The following GPR158 variants were observed in gnomAD, a reference collection of about 807,000 sequenced individuals.
GPR158 encodes the protein G protein-coupled receptor 158.
Under a neutral mutation model 78.2 loss-of-function variants are expected in GPR158, and 30 were observed. That is an observed-to-expected ratio of 0.38 (90% confidence interval 0.29 to 0.52). The LOEUF (loss-of-function observed/expected upper bound fraction) is 0.52, where lower values mean the gene tolerates loss of function less well. GPR158 is among the 20% of genes least tolerant of loss of function. The pLI is 0.83. For missense variants in GPR158, 1,463 were observed against 1,523.5 expected (o/e 0.96, Z 0.66); for synonymous variants, 581 against 591.1 (o/e 0.98, Z 0.25).
intron 5 of GPR158, among the ~76,000 whole-genome samples, chr10:25,477,438 A>G (rs1024999565): frequency 6.6e-6 from 1 of 152,140 alleles, no homozygotes; most frequent in African/African-American, 2.4e-5. Flanking sequence ...ATGCAACAGA[A>G]TGTTCCAAAC....
intron 4 of GPR158, among the ~76,000 whole-genome samples, chr10:25,462,008 G>A (rs1348426007): frequency 1.3e-5 from 2 of 151,954 alleles, no homozygotes; most frequent in African/African-American, 4.8e-5. Flanking sequence ...CCAACGTGCT[G>A]GGATTACAGA....
intron 2 of GPR158, among the ~76,000 whole-genome samples, chr10:25,329,336 A>C (rs1185744748): frequency 6.6e-6 from 1 of 151,512 alleles, no homozygotes; most frequent in East Asian, 2.0e-4. Context: ...GCTACTCAGG[A>C]GGCTGAGGCA....
intron 2 of GPR158, among the ~76,000 whole-genome samples, chr10:25,377,443 G>A (rs1026941034): frequency 6.6e-6 from 1 of 151,918 alleles, no homozygotes; most frequent in Non-Finnish European, 1.5e-5. Context: ...AGTGATTTTA[G>A]TATATTCACA....
chr10:25,198,226 A>G (rs1234987882), intron 1 of GPR158, among the ~76,000 whole-genome samples: 1 of 152,180 alleles, frequency 6.6e-6, no homozygotes, highest in Non-Finnish European at 1.5e-5. Context: ...TATCAAACTT[A>G]TATTTTGCAA....
intron 2 of GPR158, among the ~76,000 whole-genome samples, chr10:25,224,368 G>T (rs1376945459): frequency 6.6e-6 from 1 of 151,204 alleles, no homozygotes; most frequent in East Asian, 1.9e-4. Flanking sequence ...TCAGTCCAAG[G>T]TATATATATA....
chr10:25,376,139 A>G (rs143069439), intron 2 of GPR158, among the ~76,000 whole-genome samples: 42 of 151,726 alleles, frequency 2.8e-4, no homozygotes, highest in Middle Eastern at 3.5e-3. Context: ...TTGGGTGATT[A>G]TAATTGATAT....
chr10:25,478,158 A>G (rs765583694), intron 5 of GPR158, among the ~76,000 whole-genome samples: 63 of 152,200 alleles, frequency 4.1e-4, no homozygotes, highest in Non-Finnish European at 7.2e-4. Flanking sequence ...ACTAACCAAT[A>G]ATCTTCCTTT....
intron 2 of GPR158, among the ~76,000 whole-genome samples, chr10:25,243,317 T>C (rs1564400261): frequency 1.3e-5 from 2 of 152,242 alleles, no homozygotes; most frequent in Non-Finnish European, 2.9e-5. Flanking sequence ...AGAAGCAAGC[T>C]GTAATTGGCT....
chr10:25,254,604 T>A (rs183720478), intron 2 of GPR158, among the ~76,000 whole-genome samples: 1 of 152,304 alleles, frequency 6.6e-6, no homozygotes, highest in African/African-American at 2.4e-5. Flanking sequence ...ATTCTATTTC[T>A]AATAATATAG....
intron 9 of GPR158, among the ~76,000 whole-genome samples, chr10:25,595,384 T>G (rs1837386298): frequency 6.6e-6 from 1 of 152,258 alleles, no homozygotes; most frequent in South Asian, 2.1e-4. Flanking sequence ...ATTAGATAGA[T>G]GGAGCTATAC....
At chr10:25,349,745 C>T (rs1442105990) in intron 2 of GPR158, among the ~76,000 whole-genome samples, 1 of 146,334 alleles carries the variant, frequency 6.8e-6, no homozygotes, top group African/African-American at 2.8e-5. Context: ...TTCTTAAGAG[C>T]AGTATGACAA....
intron 5 of GPR158, among the ~76,000 whole-genome samples, chr10:25,491,864 T>G (rs1024675685): frequency 6.6e-6 from 1 of 152,214 alleles, no homozygotes; most frequent in Non-Finnish European, 1.5e-5. Flanking sequence ...ACATTCTCAA[T>G]TGATAGACAT....
At chr10:25,541,957 ATATAT>A (rs1023043088) in intron 5 of GPR158, among the ~76,000 whole-genome samples, 5 of 147,410 alleles carry the variant, frequency 3.4e-5, no homozygotes, top group East Asian at 1.9e-4. Context: ...TATATAAATT[ATATAT>A]TATATATTAT....
chr10:25,203,073 A>G (rs1043783404), intron 1 of GPR158, among the ~76,000 whole-genome samples: 1 of 152,146 alleles, frequency 6.6e-6, no homozygotes, highest in Non-Finnish European at 1.5e-5. Flanking sequence ...GTGTCTGTTC[A>G]TATCCTTTGC....
In GPR158 at chr10:25,175,607, C is replaced by A. The variant is rs367581451; in HGVS notation, c.187C>A (p.Arg63Ser). The change falls in exon 1 of 11, where the codon CGC becomes AGC. Residue 63 changes from arginine to serine, a missense_variant. Transcript: ENST00000376351. This position sits in a 1 kb window ranked among gnomAD's most constrained non-coding sequence, Gnocchi z 6.4. ...SASDSSAPWS[R>S]STDGTILAQK... ...CTCGGACTCCTCGGCTCCCTGGAGC[C>A]GCTCCACCGATGGCACCATCTTGGC... 1 of 1,610,772 alleles carries A rather than the reference C, an allele frequency of 6.2e-7. No homozygotes were observed. The highest frequency in any genetic ancestry group is 8.5e-7 in the Non-Finnish European group (1 of 1,179,838).
intron 2 of GPR158, among the ~76,000 whole-genome samples, chr10:25,277,576 C>T (rs566899270): frequency 8.6e-5 from 13 of 151,992 alleles, no homozygotes; most frequent in African/African-American, 2.9e-4. Flanking sequence ...GAAGTTGAAA[C>T]GAAGGACATA....
chr10:25,457,945 A>G (rs1835312101), intron 4 of GPR158, among the ~76,000 whole-genome samples: 1 of 152,242 alleles, frequency 6.6e-6, no homozygotes. Context: ...ACAACAAAAA[A>G]TCACCATAGC....
intron 4 of GPR158, among the ~76,000 whole-genome samples, chr10:25,443,432 G>A (rs1445429954): frequency 6.6e-6 from 1 of 151,796 alleles, no homozygotes; most frequent in Non-Finnish European, 1.5e-5. Context: ...GCACCAGCCT[G>A]TAATCCCAGT....
intron 2 of GPR158, among the ~76,000 whole-genome samples, chr10:25,296,499 T>TATTG (rs112540838): frequency 1.3e-5 from 2 of 151,904 alleles, no homozygotes; most frequent in Non-Finnish European, 2.9e-5. Context: ...CTAATCTATC[T>TATTG]ATTGATTGAT....
Sources: allele counts gnomAD v4.1 joint callset (sites outside exome capture counted in the v4.1 genomes callset), GRCh38; gene constraint gnomAD v4.1.1; non-coding constraint Gnocchi (gnomAD v3.1); transcripts MANE v1.5; gene names NCBI Gene and HGNC (gene_info 2026-07-23, HGNC 2026-07-21).